CERS4: variants seen among roughly 807,000 people sequenced by gnomAD.
CERS4 encodes ceramide synthase 4, also known as LAG1 homolog, ceramide synthase 4.
A neutral mutation model predicts 51.8 loss-of-function variants in CERS4; 65 were observed. That is an observed-to-expected ratio of 1.26 (90% CI 1.03 to 1.54). CERS4 has a LOEUF of 1.54. Among genes scored for constraint, CERS4 ranks in the 40% most tolerant of loss-of-function variants. The pLI is 0.00. For missense variants in CERS4, 563 were observed against 500.4 expected (o/e 1.13, Z -1.19); for synonymous variants, 228 against 208.4 (o/e 1.09, Z -0.81).
At chr19:8,244,167 G>A (rs1455859040) in intron 2 of CERS4, among the ~76,000 whole-genome samples, 1 of 152,182 alleles carries the variant, frequency 6.6e-6, no homozygotes, top group African/African-American at 2.4e-5. Context: ...ACCAGGAGCT[G>A]GAGGGTGCAG....
At chr19:8,216,777 C>T (rs1199811705) in intron 2 of CERS4, among the ~76,000 whole-genome samples, 1 of 152,036 alleles carries the variant, frequency 6.6e-6, no homozygotes, top group Non-Finnish European at 1.5e-5. Flanking sequence ...TGTCAGCCAT[C>T]CTGGGTCCTT....
chr19:8,236,964 C>G (rs1470830182), intron 2 of CERS4, among the ~76,000 whole-genome samples: 1 of 127,036 alleles, frequency 7.9e-6, no homozygotes, highest in Non-Finnish European at 1.6e-5. Context: ...GATCAGGCCA[C>G]TGCACTCCAG....
rs573579854 is a variant in CERS4 at position 8,237,997 on chromosome 19, A to T, written c.-1-13079A>T. 5.3e-5 allele frequency among the ~76,000 whole-genome samples: 8 copies of T among 152,128 alleles called. No individual in the cohort carries two copies. The East Asian group carries it at 1.5e-3, about 29-fold the overall frequency. On this transcript the variant is annotated intron_variant, in intron 2 of 11. Coordinates refer to ENST00000251363, the MANE Select transcript of CERS4 (RefSeq NM_024552.3). ...GGCCCCCTCACACTCCCACGTGTAT[A>T]CTTAATCCTGTCTCTGTGCGAGTAA...
At chr19:8,236,680 T>TAAAAA (rs59164781) in intron 2 of CERS4, among the ~76,000 whole-genome samples, 1 of 122,358 alleles carries the variant, frequency 8.2e-6, no homozygotes, top group African/African-American at 3.4e-5. Context: ...CCCTGTCTTC[T>TAAAAA]AAAAAAAAAA....
intron 2 of CERS4, among the ~76,000 whole-genome samples, chr19:8,231,207 A>G (rs545751603): frequency 1.1e-4 from 17 of 152,248 alleles, no homozygotes; most frequent in African/African-American, 3.9e-4. Context: ...TTTCCTGAGC[A>G]TGGGCCATGT....
intron 4 of CERS4, among the ~76,000 whole-genome samples, chr19:8,254,822 C>T (rs533853324): frequency 5.6e-4 from 85 of 152,234 alleles, no homozygotes; most frequent in Admixed American, 8.5e-4. Flanking sequence ...CCACCCCTCC[C>T]AGCATCCCTG....
chr19:8,259,394 G>A (rs528713080), intron 10 of CERS4, among the ~76,000 whole-genome samples: 2 of 152,158 alleles, frequency 1.3e-5, no homozygotes, highest in African/African-American at 4.8e-5. Flanking sequence ...GTGAGGGGGA[G>A]GGTAGGCAGG....
intron 2 of CERS4, among the ~76,000 whole-genome samples, chr19:8,224,722 A>AGGC (rs912286755): frequency 2.0e-5 from 3 of 152,120 alleles, no homozygotes; most frequent in Non-Finnish European, 4.4e-5. Flanking sequence ...CTGAGTGGGG[A>AGGC]GGCGGCCACC....
At chr19:8,251,389 G>A in intron 3 of CERS4, 140 bp downstream of exon 3, 7 of 1,373,568 alleles carry the variant, frequency 5.1e-6, no homozygotes, top group Non-Finnish European at 6.6e-6. Context: ...GCTCCAGCCT[G>A]CCCCCAGCCG....
intron 10 of CERS4, among the ~76,000 whole-genome samples, chr19:8,259,304 T>C (rs959178319): frequency 2.4e-4 from 36 of 151,802 alleles, no homozygotes; most frequent in African/African-American, 6.3e-4. Flanking sequence ...GAGAATAGCA[T>C]GTGCAAAGGG....
At chr19:8,238,400 G>A (rs1599551312) in intron 2 of CERS4, 1 of 510,822 alleles carries the variant, frequency 2.0e-6, no homozygotes. Flanking sequence ...AGTGGGAACT[G>A]GCCCAGGGAA....
At chr19:8,217,702 A>AT (rs571884125) in intron 2 of CERS4, among the ~76,000 whole-genome samples, 3,436 of 151,108 alleles carry the variant, frequency 0.023, 65 homozygotes, top group Non-Finnish European at 0.037. Context: ...ACGCCTGGCT[A>AT]TTTTTTTTGT....
chr19:8,237,002 C>CAAAAAAAAAA (rs781273995), intron 2 of CERS4, among the ~76,000 whole-genome samples: 1 of 44,972 alleles, frequency 2.2e-5, no homozygotes, highest in African/African-American at 7.5e-5. Context: ...GACTCTGTCT[C>CAAAAAAAAAA]AAAAAAAAAA....
At chr19:8,255,970 G>A (rs1314766821) in intron 6 of CERS4, 91 bp downstream of exon 6, 1 of 1,396,792 alleles carries the variant, frequency 7.2e-7, no homozygotes, top group Admixed American at 1.7e-5. Flanking sequence ...GGTGCAGCCA[G>A]AGAGGAAAAC....
chr19:8,220,485 A>G (rs1967486450), intron 2 of CERS4, among the ~76,000 whole-genome samples: 1 of 152,044 alleles, frequency 6.6e-6, no homozygotes, highest in Non-Finnish European at 1.5e-5. Flanking sequence ...TTATATTTTT[A>G]GTAGAAATGG....
chr19:8,256,881 T>TG, intron 8 of CERS4, 68 bp from the exon 9 acceptor site: 1 of 1,610,864 alleles, frequency 6.2e-7, no homozygotes, highest in Non-Finnish European at 8.5e-7. Context: ...ACCCACTTCT[T>TG]GGCCCATAGG....
At chr19:8,227,647 C>T (rs1967843651) in intron 2 of CERS4, among the ~76,000 whole-genome samples, 1 of 151,910 alleles carries the variant, frequency 6.6e-6, no homozygotes, top group Admixed American at 6.6e-5. Context: ...CAGCCTGATT[C>T]AGCCTTAAAA....
intron 2 of CERS4, among the ~76,000 whole-genome samples, chr19:8,214,795 C>T (rs1018750721): frequency 6.6e-6 from 1 of 151,954 alleles, no homozygotes; most frequent in African/African-American, 2.4e-5. Context: ...GACTTCTCCT[C>T]CTCCCCTCCA....
intron 2 of CERS4, among the ~76,000 whole-genome samples, chr19:8,212,826 A>C (rs1374511453): frequency 6.7e-6 from 1 of 149,936 alleles, no homozygotes; most frequent in Non-Finnish European, 1.5e-5. Context: ...ATTAGTAGAG[A>C]TGAAGGGGGG....
Sources: allele counts gnomAD v4.1 joint callset (sites outside exome capture counted in the v4.1 genomes callset), GRCh38; gene constraint gnomAD v4.1.1; transcripts MANE v1.5; gene names NCBI Gene and HGNC (gene_info 2026-07-23, HGNC 2026-07-21).